Variants in SMARCA2 observed in about 807,000 individuals in gnomAD.
The protein encoded by SMARCA2 is SWI/SNF related BAF chromatin remodeling complex subunit ATPase 2.
Under a neutral mutation model 199.8 loss-of-function variants are expected in SMARCA2, and 61 were observed. The observed-to-expected ratio is 0.31, with a 90% CI of 0.25 to 0.38. The LOEUF is 0.38. Ranked by LOEUF, SMARCA2 falls within the 10% of genes least tolerant of loss-of-function variation. The pLI is 1.00. For synonymous variants in SMARCA2, 935 were observed against 732.0 expected (o/e 1.28, Z -4.48); for missense variants, 1,344 against 2,012.2 (o/e 0.67, Z 6.35).
chr9:2,100,659 C>A (rs1018097885), intron 21 of SMARCA2, among the ~76,000 whole-genome samples: 2 of 151,158 alleles, frequency 1.3e-5, no homozygotes, highest in Non-Finnish European at 2.9e-5. Flanking sequence ...GCTGAGACTG[C>A]GCCACTGCAC....
chr9:2,076,014 G>C (rs1394902021), intron 12 of SMARCA2, among the ~76,000 whole-genome samples: 1 of 152,214 alleles, frequency 6.6e-6, no homozygotes. Flanking sequence ...GATCCTCAGA[G>C]AGTTCCCTTC....
intron 19 of SMARCA2, among the ~76,000 whole-genome samples, chr9:2,091,275 C>G (rs1215588898): frequency 1.3e-5 from 2 of 152,162 alleles, no homozygotes; most frequent in African/African-American, 4.8e-5. Context: ...GAAACCCTCC[C>G]TCGGCTCGTA....
intron 24 of SMARCA2, among the ~76,000 whole-genome samples, chr9:2,111,540 C>T (rs994528389): frequency 4.6e-5 from 7 of 150,684 alleles, no homozygotes; most frequent in Non-Finnish European, 8.9e-5. Flanking sequence ...GCAACTCTCA[C>T]GTAGGAGTAT....
chr9:2,162,348 G>A (rs1825725697), intron 28 of SMARCA2, among the ~76,000 whole-genome samples: 1 of 152,134 alleles, frequency 6.6e-6, no homozygotes, highest in South Asian at 2.1e-4. Context: ...AGTAAATACA[G>A]TTTCTCCTTT....
At chr9:2,157,283 C>T (rs1000263291) in intron 27 of SMARCA2, among the ~76,000 whole-genome samples, 8 of 152,208 alleles carry the variant, frequency 5.3e-5, no homozygotes, top group South Asian at 4.1e-4. Flanking sequence ...CAGCAGGGCA[C>T]GAGGGAGGTT....
At chr9:2,036,736 T>G (rs1819352034) in intron 3 of SMARCA2, among the ~76,000 whole-genome samples, 1 of 152,226 alleles carries the variant, frequency 6.6e-6, no homozygotes, top group Admixed American at 6.5e-5. Flanking sequence ...CTCAATTTTC[T>G]GATCAAATTT....
chr9:2,137,389 C>G (rs1487763936), intron 27 of SMARCA2, among the ~76,000 whole-genome samples: 2 of 152,158 alleles, frequency 1.3e-5, no homozygotes, highest in African/African-American at 4.8e-5. Context: ...TATAAGGCCA[C>G]AATCACCAGG....
At chr9:2,129,636 T>A (rs1284308280) in intron 27 of SMARCA2, among the ~76,000 whole-genome samples, 1 of 152,142 alleles carries the variant, frequency 6.6e-6, no homozygotes, top group Non-Finnish European at 1.5e-5. Flanking sequence ...GCCACATGCT[T>A]GAACTCATTC....
At chr9:2,182,046 A>T (rs1357979246) in intron 30 of SMARCA2, 95 bp from the exon 31 acceptor site, 2 of 859,196 alleles carry the variant, frequency 2.3e-6, no homozygotes, top group Non-Finnish European at 4.0e-6. Flanking sequence ...TATGCTGTGA[A>T]GACAAAGGGA....
In SMARCA2 at chr9:2,156,414, C is replaced by CTTTTTTT. The variant is rs57161267; in HGVS notation, c.3982-5246_3982-5240dup. On this transcript the variant is annotated intron_variant, in intron 27 of 33. Transcript: ENST00000349721. ...ATACCATAAAGTTTACCATTTTAGA[C>CTTTTTTT]TTTTTTTTTTTTTTTTTTTTTTTTT... Among the ~76,000 whole-genome samples the CTTTTTTT allele has an allele frequency of 1.1e-3, 77 of 69,154 alleles. 4 individuals carry two copies. Among genetic ancestry groups the CTTTTTTT allele is most frequent in the African/African-American group, 2.9e-3 (42 of 14,326 alleles). 45.4% of individuals were successfully genotyped at this position (69,154 alleles called of 152,430 possible). A position where few individuals can be genotyped will look rare whatever the true frequency, so the allele number is the denominator to read the frequency against.
chr9:2,186,675 G>A (rs1265958839), intron 32 of SMARCA2, among the ~76,000 whole-genome samples: 2 of 152,034 alleles, frequency 1.3e-5, no homozygotes, highest in Non-Finnish European at 2.9e-5. Context: ...ACAGGCGTGT[G>A]CCACCACGCC....
chr9:2,117,981 G>T (rs991819298), intron 25 of SMARCA2, among the ~76,000 whole-genome samples: 1 of 152,122 alleles, frequency 6.6e-6, no homozygotes, highest in Non-Finnish European at 1.5e-5. Context: ...TGAAGTGCTG[G>T]GGCAGAGAAC....
intron 27 of SMARCA2, among the ~76,000 whole-genome samples, chr9:2,153,854 G>C (rs547735619): frequency 6.6e-6 from 1 of 152,196 alleles, no homozygotes; most frequent in African/African-American, 2.4e-5. Flanking sequence ...TGCTGGAAGT[G>C]TGTTTATCTG....
chr9:2,061,470 T>C (rs1391912191), intron 9 of SMARCA2, among the ~76,000 whole-genome samples: 1 of 152,164 alleles, frequency 6.6e-6, no homozygotes, highest in East Asian at 1.9e-4. Context: ...TGTGTCGCAG[T>C]GAGGTGAGTG....
At chr9:2,080,915 G>A (rs934075698) in intron 14 of SMARCA2, among the ~76,000 whole-genome samples, 1 of 152,058 alleles carries the variant, frequency 6.6e-6, no homozygotes, top group Non-Finnish European at 1.5e-5. Context: ...TACAGACCTT[G>A]GTATCTATCT....
Position 2,184,353 on chromosome 9 carries a change from C to CTTT in SMARCA2, c.4462-1728_4462-1726dup, listed in dbSNP as rs1199876121. Among the ~76,000 whole-genome samples, 694 of 129,402 alleles carry CTTT rather than the reference C, an allele frequency of 5.4e-3. 11 individuals are homozygous for CTTT. Among genetic ancestry groups the CTTT allele is most frequent in the Non-Finnish European group, 7.0e-3 (444 of 63,064 alleles). 84.9% of individuals were successfully genotyped at this position (129,402 alleles called of 152,430 possible). A position where few individuals can be genotyped will look rare whatever the true frequency, so the allele number is the denominator to read the frequency against. On this transcript the variant is annotated intron_variant, in intron 31 of 33. Transcript: ENST00000349721. ...CATCTTGCAAAACATAGGATAATAT[C>CTTT]TTTTTTTTTTTTTTTTTGAGATGGA...
intron 27 of SMARCA2, among the ~76,000 whole-genome samples, chr9:2,153,576 T>C (rs1447397879): frequency 6.6e-6 from 1 of 152,214 alleles, no homozygotes; most frequent in Non-Finnish European, 1.5e-5. Flanking sequence ...GATAGAGTTT[T>C]TTTAATAGGG....
chr9:2,111,189 A>G (rs1259630508), intron 24 of SMARCA2, among the ~76,000 whole-genome samples: 1 of 152,016 alleles, frequency 6.6e-6, no homozygotes, highest in Admixed American at 6.6e-5. Flanking sequence ...GTTGAATTCA[A>G]AACAGTAAAA....
At chr9:2,125,115 A>T (rs1184461399) in intron 27 of SMARCA2, among the ~76,000 whole-genome samples, 1 of 152,152 alleles carries the variant, frequency 6.6e-6, no homozygotes, top group African/African-American at 2.4e-5. Context: ...AGGTCTTGTC[A>T]CCGCTTGAGA....
Sources: allele counts gnomAD v4.1 joint callset (sites outside exome capture counted in the v4.1 genomes callset), GRCh38; gene constraint gnomAD v4.1.1; transcripts MANE v1.5; gene names NCBI Gene and HGNC (gene_info 2026-07-23, HGNC 2026-07-21).